TMC3: variants seen among roughly 807,000 people sequenced by gnomAD.
The protein encoded by TMC3 is transmembrane channel-like protein 3.
TMC3 carries 98 observed loss-of-function variants against 110.6 expected under a neutral mutation model. The ratio of observed to expected loss-of-function variants is 0.89; its 90% confidence interval spans 0.75 to 1.05. The LOEUF is 1.05. Ranked by LOEUF, TMC3 falls within the 50% of genes least tolerant of loss-of-function variation. TMC3 has a pLI of 0.00. For synonymous variants in TMC3, 489 were observed against 513.1 expected (o/e 0.95, Z 0.63); for missense variants, 1,319 against 1,373.2 (o/e 0.96, Z 0.62).
chr15:81,360,365 T>G (rs575811920), intron 4 of TMC3, among the ~76,000 whole-genome samples: 2 of 152,336 alleles, frequency 1.3e-5, no homozygotes, highest in African/African-American at 4.8e-5. Context: ...CATTTTCTCT[T>G]GCCAAAAATA....
chr15:81,351,877 G>A (rs1437005028), intron 9 of TMC3, 36 bp from the exon 10 acceptor site: 1 of 1,606,282 alleles, frequency 6.2e-7, no homozygotes, highest in Non-Finnish European at 8.5e-7. Context: ...CGGTACACAG[G>A]GTCCTGCTCA....
At chr15:81,361,960 G>T in intron 4 of TMC3, 1 of 299,530 alleles carries the variant, frequency 3.3e-6, no homozygotes, top group Non-Finnish European at 6.4e-6. Context: ...ATATCTGACT[G>T]AAGGAATGAA....
chr15:81,357,679 C>T (rs1262761089), intron 7 of TMC3, among the ~76,000 whole-genome samples: 1 of 152,166 alleles, frequency 6.6e-6, no homozygotes, highest in East Asian at 1.9e-4. Flanking sequence ...ACAAGCCTGG[C>T]CTTTGCAGAA....
At chr15:81,340,759 T>C (rs1893697440) in intron 16 of TMC3, among the ~76,000 whole-genome samples, 1 of 152,190 alleles carries the variant, frequency 6.6e-6, no homozygotes. Flanking sequence ...TTCCTAGGTA[T>C]ATATGCAACA....
rs1181465357 is a variant in TMC3 at position 81,332,461 on chromosome 15, C to T, written c.3261G>A (p.Glu1087=). ...TCAAGTCATCCAGATCCACGGTCAG[C>T]TCCTGCCCCGACTTGGCCTTCCTCC... The part of the protein sequence containing the change: ...PSRRKAKSGQ[E]LTVDLDDLIC... The change falls in exon 22 of 22, where the codon GAG becomes GAA. Residue 1087 remains glutamate (E), a synonymous_variant. Transcript: ENST00000359440. 2 of 1,612,066 alleles carry T rather than the reference C, an allele frequency of 1.2e-6. No homozygotes were observed. Among genetic ancestry groups the T allele is most frequent in the South Asian group, 1.1e-5 (1 of 90,638 alleles).
intron 11 of TMC3, among the ~76,000 whole-genome samples, chr15:81,347,667 T>C (rs1285645725): frequency 6.6e-6 from 1 of 152,244 alleles, no homozygotes; most frequent in Non-Finnish European, 1.5e-5. Flanking sequence ...ATATGTCTTA[T>C]GCTTATTACC....
At chr15:81,343,171 A>G in intron 15 of TMC3, 107 bp downstream of exon 15, 1 of 604,684 alleles carries the variant, frequency 1.7e-6, no homozygotes, top group Non-Finnish European at 3.0e-6. Context: ...ATCCCTTCTT[A>G]ATGCTTATGT....
At chr15:81,354,027 AG>A (rs1371831132) in intron 9 of TMC3, among the ~76,000 whole-genome samples, 1 of 152,262 alleles carries the variant, frequency 6.6e-6, no homozygotes, top group Non-Finnish European at 1.5e-5. Flanking sequence ...TAGTGAGGGC[AG>A]GTGTGTGAAT....
In TMC3 at chr15:81,332,880, T is replaced by G. The variant is rs1567059511; in HGVS notation, c.2842A>C (p.Thr948Pro). 1 of 1,613,306 alleles carries G rather than the reference T, an allele frequency of 6.2e-7. No individual in the cohort carries two copies. ...CGTTTGATCCAATCTCTGCTTGGCG[T>G]CTCCTCCTCTTCTTCACTCAGCTGT... is the stretch of plus-strand genomic sequence containing the variant. ...SPQLSEEEEETPSRDWIKRSL... is the reference protein window; with the variant it reads ...SPQLSEEEEEPPSRDWIKRSL... Residue 948 changes from threonine to proline, a missense_variant, in exon 22 of 22, where the codon ACG becomes CCG. By Grantham distance (38) the Thr-to-Pro change is conservative. Transcript: ENST00000359440.
chr15:81,346,857 A>C (rs776519620), intron 11 of TMC3, among the ~76,000 whole-genome samples: 16 of 152,358 alleles, frequency 1.1e-4, no homozygotes, highest in Non-Finnish European at 2.4e-4. Flanking sequence ...CTTAAGGGAC[A>C]AGTGTATTGA....
chr15:81,357,695 A>T (rs1037490501), intron 7 of TMC3, among the ~76,000 whole-genome samples: 1 of 152,202 alleles, frequency 6.6e-6, no homozygotes, highest in Non-Finnish European at 1.5e-5. Context: ...CAGAATTTGT[A>T]GCTAGGTCAC....
intron 9 of TMC3, among the ~76,000 whole-genome samples, chr15:81,355,335 T>C (rs890195016): frequency 4.6e-5 from 7 of 152,166 alleles, no homozygotes; most frequent in African/African-American, 1.7e-4. Flanking sequence ...GAGAAGAATC[T>C]TGAACCTAGG....
chr15:81,333,069 G>C lies in TMC3; in HGVS notation c.2653C>G (p.Pro885Ala). Residue 885 changes from proline (P) to alanine (A), a missense_variant, in exon 22 of 22, where the codon CCC becomes GCC. Coordinates refer to ENST00000359440, the MANE Select transcript of TMC3 (RefSeq NM_001080532.3). ...LLAQGPRPHA[P>A]RYYVINECDS... ...CATTCATTAATGACATAGTATCTGG[G>C]GGCGTGGGGCCTGGGACCCTGTGCC... The C allele has an allele frequency of 6.2e-7, 1 of 1,613,900 alleles. No homozygotes were observed. The highest frequency in any genetic ancestry group is 8.5e-7 in the Non-Finnish European group (1 of 1,179,792).
intron 3 of TMC3, among the ~76,000 whole-genome samples, chr15:81,367,996 G>A (rs926295528): frequency 2.0e-5 from 3 of 152,224 alleles, no homozygotes; most frequent in Non-Finnish European, 4.4e-5. Context: ...GTGCAGTGGC[G>A]TGATCTCGGC....
intron 9 of TMC3, among the ~76,000 whole-genome samples, chr15:81,354,057 TTACA>T (rs369608706): frequency 6.6e-6 from 1 of 152,248 alleles, no homozygotes; most frequent in African/African-American, 2.4e-5. Context: ...ATTCTAGTAC[TTACA>T]TACATGTTTC....
At chr15:81,355,618 G>T in intron 9 of TMC3, 107 bp downstream of exon 9, 1 of 773,094 alleles carries the variant, frequency 1.3e-6, no homozygotes, top group Non-Finnish European at 2.2e-6. Context: ...AGAAAGAAGA[G>T]CTGCCTGACA....
chr15:81,332,413 G>A lies in TMC3; in HGVS notation c.*6C>T. On this transcript the variant is annotated 3_prime_UTR_variant, in exon 22 of 22. Coordinates refer to ENST00000359440, the MANE Select transcript of TMC3 (RefSeq NM_001080532.3). ...TGACCTCTAGGAACGGGACACTGGA[G>A]GAAGCCTAGACATCTGAACAAATCA... 1 of 1,590,744 alleles carries A rather than the reference G, an allele frequency of 6.3e-7. No homozygotes were observed. The highest frequency in any genetic ancestry group is 8.6e-7 in the Non-Finnish European group (1 of 1,165,898).
intron 2 of TMC3, 76 bp from the exon 3 acceptor site, chr15:81,368,404 C>CCTATTCCTGTTGCATTTTT: frequency 1.8e-6 from 2 of 1,136,122 alleles, no homozygotes; most frequent in African/African-American, 1.5e-5. Flanking sequence ...AAAAATGCAA[C>CCTATTCCTGTTGCATTTTT]AGGAATAGGT....
intron 16 of TMC3, among the ~76,000 whole-genome samples, chr15:81,339,924 A>T (rs2141694931): frequency 6.6e-6 from 1 of 152,064 alleles, no homozygotes; most frequent in African/African-American, 2.4e-5. Flanking sequence ...ACGTCTCGGG[A>T]TGGTTTGGCT....
Sources: allele counts gnomAD v4.1 joint callset (sites outside exome capture counted in the v4.1 genomes callset), GRCh38; gene constraint gnomAD v4.1.1; transcripts MANE v1.5; gene names NCBI Gene and HGNC (gene_info 2026-07-23, HGNC 2026-07-21).